The following DTWD2 variants were observed in gnomAD, a reference collection of about 807,000 sequenced individuals.
DTWD2 encodes the protein DTW motif tRNA-uridine aminocarboxypropyltransferase 2, also known as tRNA-uridine aminocarboxypropyltransferase 2.
DTWD2 carries 39 observed loss-of-function variants against 31.8 expected under a neutral mutation model. The observed-to-expected ratio is 1.22, with a 90% CI of 0.95 to 1.60. The LOEUF (loss-of-function observed/expected upper bound fraction) is 1.60. Among genes scored for constraint, DTWD2 ranks in the 40% most tolerant of loss-of-function variants. DTWD2 has a pLI of 0.00. For synonymous variants in DTWD2, 180 were observed against 142.8 expected (o/e 1.26, Z -1.86); for missense variants, 515 against 381.5 (o/e 1.35, Z -2.92).
At chr5:118,885,490 G>A (rs544379353) in intron 4 of DTWD2, among the ~76,000 whole-genome samples, 183 of 148,952 alleles carry the variant, frequency 1.2e-3, no homozygotes, top group African/African-American at 4.4e-3. Context: ...AATTGGCCAG[G>A]CGCAGTGGCT....
At chr5:118,924,963 G>A (rs1437195637) in intron 4 of DTWD2, among the ~76,000 whole-genome samples, 1 of 152,062 alleles carries the variant, frequency 6.6e-6, no homozygotes, top group East Asian at 1.9e-4. Context: ...ATTTGTAATC[G>A]GGCCTGCTCC....
chr5:118,984,607 A>T (rs994346132), intron 1 of DTWD2, among the ~76,000 whole-genome samples: 1 of 152,220 alleles, frequency 6.6e-6, no homozygotes, highest in Non-Finnish European at 1.5e-5. Context: ...ATGGTGTATT[A>T]TAATTCTTAC....
chr5:118,981,902 C>T (rs1755310583), intron 1 of DTWD2, among the ~76,000 whole-genome samples: 1 of 152,184 alleles, frequency 6.6e-6, no homozygotes, highest in Non-Finnish European at 1.5e-5. Context: ...CATGTAAATA[C>T]TTACTACATG....
chr5:118,941,322 C>T (rs181575098), intron 2 of DTWD2, among the ~76,000 whole-genome samples: 1 of 152,266 alleles, frequency 6.6e-6, no homozygotes, highest in African/African-American at 2.4e-5. Context: ...GCTATCCCTC[C>T]CCACACCCCT....
chr5:118,905,651 A>G (rs1050222862), intron 4 of DTWD2, among the ~76,000 whole-genome samples: 2 of 152,146 alleles, frequency 1.3e-5, no homozygotes, highest in Admixed American at 1.3e-4. Flanking sequence ...TTCAAAAGTG[A>G]TCGCCCTGGT....
chr5:118,953,361 T>C (rs1243630845), intron 1 of DTWD2, among the ~76,000 whole-genome samples: 4 of 152,240 alleles, frequency 2.6e-5, no homozygotes, highest in African/African-American at 7.2e-5. Flanking sequence ...CAAAGCTTGA[T>C]GAACTTTTGT....
rs146543944 is a variant in DTWD2 at position 118,843,871 on chromosome 5, T to C, written c.727-2784A>G. 4.3e-3 allele frequency among the ~76,000 whole-genome samples: 651 copies of C among 152,372 alleles called. 9 individuals carry two copies. The highest frequency in any genetic ancestry group is 0.029 in the East Asian group (151 of 5,192). ...GATACATGAGCAGATTGGCATTTTC[T>C]ATCCCTTTTCAAATTTAGGCACAGC... On this transcript the variant is annotated intron_variant, in intron 5 of 5. Transcript: ENST00000510708.
intron 1 of DTWD2, among the ~76,000 whole-genome samples, chr5:118,984,987 C>G (rs926839628): frequency 3.9e-5 from 6 of 152,060 alleles, no homozygotes; most frequent in Non-Finnish European, 7.4e-5. Context: ...AAAAGTCAAA[C>G]TTGTCACCAC....
chr5:118,912,283 T>C (rs1753474717), intron 4 of DTWD2, among the ~76,000 whole-genome samples: 1 of 152,206 alleles, frequency 6.6e-6, no homozygotes, highest in South Asian at 2.1e-4. Context: ...GCAGGAGTGA[T>C]TTCCACCCAA....
intron 5 of DTWD2, among the ~76,000 whole-genome samples, chr5:118,842,723 A>G (rs1264070853): frequency 6.6e-6 from 1 of 151,650 alleles, no homozygotes; most frequent in Non-Finnish European, 1.5e-5. Context: ...GCTTGAGCCC[A>G]GCAGTTTGAG....
chr5:118,854,883 T>C (rs1752094507), intron 4 of DTWD2, among the ~76,000 whole-genome samples: 1 of 152,144 alleles, frequency 6.6e-6, no homozygotes, highest in Non-Finnish European at 1.5e-5. Context: ...ATATAACTTA[T>C]ATGTTGTTCC....
At chr5:118,843,388 G>C (rs1431844246) in intron 5 of DTWD2, among the ~76,000 whole-genome samples, 1 of 103,166 alleles carries the variant, frequency 9.7e-6, no homozygotes, top group Non-Finnish European at 2.1e-5. Flanking sequence ...GAAGGAGAGA[G>C]ATAGAAAGAA....
rs775686278 is a variant in DTWD2, at chr5:118,928,518, G to A, written c.597+19C>T. The A allele has an allele frequency of 1.4e-6, 2 of 1,444,978 alleles. No homozygotes were observed. Among genetic ancestry groups the A allele is most frequent in the African/African-American group, 1.4e-5 (1 of 69,448 alleles). The allele number at this position is 1,444,978 out of a possible 1,614,324, so 89.5% of individuals were successfully genotyped here. A position where few individuals can be genotyped will look rare whatever the true frequency, so the allele number is the denominator to read the frequency against. On this transcript the variant is annotated intron_variant, in intron 4 of 5. Coordinates refer to ENST00000510708, the MANE Select transcript of DTWD2 (RefSeq NM_173666.4). Reference sequence around the variant, plus strand: ...AATTATATATTTATATTTATTCTCTGTTAAAATTACTAGTTTACCTGTTTG... The same window carrying A: ...AATTATATATTTATATTTATTCTCTATTAAAATTACTAGTTTACCTGTTTG...
chr5:118,877,471 C>CAAAAATAAA (rs551582542), intron 4 of DTWD2, among the ~76,000 whole-genome samples: 11 of 149,546 alleles, frequency 7.4e-5, no homozygotes, highest in South Asian at 2.1e-4. Context: ...GACTCCGTCT[C>CAAAAATAAA]AAAAATAAAA....
intron 4 of DTWD2, among the ~76,000 whole-genome samples, chr5:118,883,393 T>C (rs565863304): frequency 6.6e-6 from 1 of 152,362 alleles, no homozygotes; most frequent in South Asian, 2.1e-4. Flanking sequence ...TTCCAACCTC[T>C]GCCTGTTACC....
intron 4 of DTWD2, among the ~76,000 whole-genome samples, chr5:118,868,227 T>C (rs773833917): frequency 6.6e-6 from 1 of 151,902 alleles, no homozygotes; most frequent in South Asian, 2.1e-4. Context: ...AGAATGTTGT[T>C]GGGCCCTTAG....
At chr5:118,841,174 T>C (rs2112665025) in intron 5 of DTWD2, 87 bp from the exon 6 acceptor site, 1 of 1,447,974 alleles carries the variant, frequency 6.9e-7, no homozygotes, top group South Asian at 1.3e-5. Context: ...TAGGAGTTAC[T>C]ATGTTTCTTT....
At chr5:118,888,034 C>T (rs983538603) in intron 4 of DTWD2, among the ~76,000 whole-genome samples, 4 of 150,844 alleles carry the variant, frequency 2.7e-5, no homozygotes, top group Non-Finnish European at 5.9e-5. Context: ...GGGGACTATT[C>T]CTGATCTCTT....
intron 4 of DTWD2, among the ~76,000 whole-genome samples, chr5:118,848,935 C>G (rs1234972351): frequency 6.6e-6 from 1 of 152,172 alleles, no homozygotes; most frequent in Non-Finnish European, 1.5e-5. Context: ...AGAAGAAAAC[C>G]TAGGCAATAC....
Sources: allele counts gnomAD v4.1 joint callset (sites outside exome capture counted in the v4.1 genomes callset), GRCh38; gene constraint gnomAD v4.1.1; transcripts MANE v1.5; gene names NCBI Gene and HGNC (gene_info 2026-07-23, HGNC 2026-07-21).